The following PLXNA4 variants were observed in gnomAD, a reference collection of about 807,000 sequenced individuals.
PLXNA4 encodes plexin-A4.
Under a neutral mutation model 191.8 loss-of-function variants are expected in PLXNA4, and 44 were observed. The observed-to-expected ratio is 0.23, with a 90% CI of 0.18 to 0.29. The LOEUF (loss-of-function observed/expected upper bound fraction) is 0.29. PLXNA4 is among the 10% of genes least tolerant of loss of function. The pLI, the probability that PLXNA4 is intolerant of heterozygous loss-of-function variation, is 1.00. For synonymous variants in PLXNA4, 1,082 were observed against 1,009.5 expected (o/e 1.07, Z -1.36); for missense variants, 1,800 against 2,488.8 (o/e 0.72, Z 5.89).
intron 3 of PLXNA4, among the ~76,000 whole-genome samples, chr7:132,449,479 T>C (rs1796036880): frequency 6.6e-6 from 1 of 152,206 alleles, no homozygotes; most frequent in African/African-American, 2.4e-5. Flanking sequence ...TGTTTCCCAC[T>C]GCAGATGATC....
intron 1 of PLXNA4, among the ~76,000 whole-genome samples, chr7:132,563,003 TCTCCTC>T (rs1236733521): frequency 8.8e-5 from 2 of 22,826 alleles, no homozygotes; most frequent in African/African-American, 1.6e-4. Context: ...TCCTCCTCCT[TCTCCTC>T]CTCTTTCTCT....
rs912436306 is a variant in PLXNA4, at chr7:132,124,775, C to T, written c.*5704G>A. 3.9e-5 allele frequency: 6 copies of T among 152,180 alleles called. No individual in the cohort carries two copies. The highest frequency in any genetic ancestry group is 1.5e-5 in the Non-Finnish European group (1 of 68,042). 9.4% of individuals were successfully genotyped at this position (152,180 alleles called of 1,614,324 possible). A position where few individuals can be genotyped will look rare whatever the true frequency, so the allele number is the denominator to read the frequency against. On this transcript the variant is annotated 3_prime_UTR_variant, in exon 32 of 32. Transcript: ENST00000321063. ...TGGGAATGGAATAAAGTGAGGCTCC[C>T]GCAACCCAGGATTTTCAGCCTACCT...
At chr7:132,397,088 AT>A (rs1412949183) in intron 3 of PLXNA4, among the ~76,000 whole-genome samples, 6 of 152,244 alleles carry the variant, frequency 3.9e-5, no homozygotes, top group African/African-American at 1.4e-4. Flanking sequence ...CCAGCCATCC[AT>A]TTTAGGCTAA....
chr7:132,473,555 T>TA (rs1797008198), intron 3 of PLXNA4, among the ~76,000 whole-genome samples: 1 of 152,226 alleles, frequency 6.6e-6, no homozygotes, highest in African/African-American at 2.4e-5. Context: ...AATACATTTC[T>TA]AAATGTCAAA....
chr7:132,328,651 C>A (rs188974893), intron 3 of PLXNA4, among the ~76,000 whole-genome samples: 6 of 152,242 alleles, frequency 3.9e-5, no homozygotes, highest in Admixed American at 1.3e-4. Context: ...GTCATGGTGG[C>A]GAAACTGGAA....
chr7:132,562,995 CTCCTCCTTCTCCTCCTCTTTCTCT>C (rs1801352313), intron 1 of PLXNA4, among the ~76,000 whole-genome samples: 1 of 116,426 alleles, frequency 8.6e-6, no homozygotes, highest in African/African-American at 3.5e-5. Flanking sequence ...TCTCCTCCTC[CTCCTCCTTCTCCTCCTCTTTCTCT>C]TCCTCTTTCT....
At chr7:132,505,362 C>T (rs1261334248) in intron 2 of PLXNA4, among the ~76,000 whole-genome samples, 1 of 152,186 alleles carries the variant, frequency 6.6e-6, no homozygotes, top group Non-Finnish European at 1.5e-5. Flanking sequence ...GGCAGCCAGA[C>T]GGACGCCTGC....
intron 1 of PLXNA4, among the ~76,000 whole-genome samples, chr7:132,544,531 C>T (rs1419452675): frequency 6.6e-6 from 1 of 152,102 alleles, no homozygotes; most frequent in Admixed American, 6.5e-5. Flanking sequence ...CAGAAATAGA[C>T]TTAAGTGTGC....
intron 3 of PLXNA4, among the ~76,000 whole-genome samples, chr7:132,401,657 G>A (rs1021571517): frequency 1.3e-5 from 2 of 152,166 alleles, no homozygotes; most frequent in African/African-American, 4.8e-5. Flanking sequence ...ACGGGAAAGG[G>A]CCCTCTAAGC....
intron 2 of PLXNA4, among the ~76,000 whole-genome samples, chr7:132,627,704 G>A (rs1205535314): frequency 3.3e-5 from 5 of 152,206 alleles, no homozygotes; most frequent in Middle Eastern, 6.8e-3. Context: ...CCATGTGAAG[G>A]CACAGTATTT....
At chr7:132,173,549 C>T (rs948379817) in intron 21 of PLXNA4, among the ~76,000 whole-genome samples, 1 of 152,172 alleles carries the variant, frequency 6.6e-6, no homozygotes, top group East Asian at 1.9e-4. Flanking sequence ...AATATAGAAA[C>T]ACACACAAGC....
intron 1 of PLXNA4, among the ~76,000 whole-genome samples, chr7:132,512,633 C>G (rs1164547817): frequency 1.3e-5 from 2 of 152,166 alleles, no homozygotes; most frequent in East Asian, 1.9e-4. Context: ...CTTGCCTCAC[C>G]AAAGACCCCA....
chr7:132,297,593 C>T (rs1801137562), intron 4 of PLXNA4, among the ~76,000 whole-genome samples: 1 of 152,160 alleles, frequency 6.6e-6, no homozygotes, highest in African/African-American at 2.4e-5. Flanking sequence ...TGTATGTACA[C>T]ACAAAAGTTC....
intron 1 of PLXNA4, among the ~76,000 whole-genome samples, chr7:132,551,766 C>T (rs1179049763): frequency 6.6e-6 from 1 of 152,232 alleles, no homozygotes; most frequent in African/African-American, 2.4e-5. Flanking sequence ...CCGGAAAAAC[C>T]TCTGTGTCCT....
At chr7:132,167,182 C>T (rs960550115) in intron 22 of PLXNA4, among the ~76,000 whole-genome samples, 3 of 152,108 alleles carry the variant, frequency 2.0e-5, no homozygotes, top group African/African-American at 2.4e-5. Context: ...AAATGGCCTT[C>T]GAGTACACAA....
chr7:132,341,107 C>A (rs988921092), intron 3 of PLXNA4, among the ~76,000 whole-genome samples: 1 of 152,162 alleles, frequency 6.6e-6, no homozygotes, highest in African/African-American at 2.4e-5. Flanking sequence ...CCAGGCCCTA[C>A]CCCTGAATGA....
At chr7:132,352,257 GC>G (rs1407980668) in intron 3 of PLXNA4, 2 of 152,494 alleles carry the variant, frequency 1.3e-5, no homozygotes, top group Non-Finnish European at 2.9e-5. Context: ...GTGCCCAGAG[GC>G]CGAAGCAGGC....
intron 3 of PLXNA4, among the ~76,000 whole-genome samples, chr7:132,359,209 C>CTTTT (rs57415453): frequency 2.1e-4 from 23 of 110,902 alleles, no homozygotes; most frequent in East Asian, 2.9e-4. Context: ...GTCAAGGCTG[C>CTTTT]TTTTTTTTTT....
Position 132,648,006 on chromosome 7 carries a change from CACAA to C in PLXNA4, c.-203+504_-203+507del, listed in dbSNP as rs545278196. Reference sequence around the variant, plus strand: ...ACTCATGAACACACAGTCATATACCCACAAACACACATATACTCACACACACACA... The same window carrying C: ...ACTCATGAACACACAGTCATATACCCACACACATATACTCACACACACACA... On this transcript the variant is annotated intron_variant, in intron 1 of 4. Coordinates refer to the PLXNA4 transcript ENST00000378539. Among the ~76,000 whole-genome samples the C allele has an allele frequency of 4.7e-3, 708 of 151,914 alleles. 5 individuals are homozygous for C. Among genetic ancestry groups the C allele is most frequent in the Middle Eastern group, 0.017 (5 of 290 alleles).
Sources: gnomAD v4.1 joint callset for allele counts (sites outside exome capture counted in the v4.1 genomes callset) on GRCh38, gnomAD v4.1.1 for gene constraint, MANE v1.5 for transcripts, NCBI Gene and HGNC (gene_info 2026-07-23, HGNC 2026-07-21) for gene names.